SSH2: variants seen among roughly 807,000 people sequenced by gnomAD.
SSH2 encodes slingshot protein phosphatase 2, also known as protein phosphatase Slingshot homolog 2.
Under a neutral mutation model 135.2 loss-of-function variants are expected in SSH2, and 37 were observed. The ratio of observed to expected loss-of-function variants is 0.27; its 90% CI spans 0.21 to 0.36. SSH2 has a LOEUF of 0.36. Ranked by LOEUF, SSH2 falls within the 10% of genes least tolerant of loss-of-function variation. SSH2 has a pLI of 1.00. For synonymous variants in SSH2, 628 were observed against 646.2 expected, an observed-to-expected ratio of 0.97 and a Z score of 0.43; for missense variants, 1,408 against 1,765.3, an observed-to-expected ratio of 0.80 and a Z score of 3.63.
intron 2 of SSH2, among the ~76,000 whole-genome samples, chr17:29,840,705 T>G (rs914636553): frequency 6.6e-6 from 1 of 152,216 alleles, no homozygotes; most frequent in Non-Finnish European, 1.5e-5. Flanking sequence ...TTGACTCTGT[T>G]GAAGAGCTGG....
At chr17:29,877,418 T>C (rs1021397185) in intron 1 of SSH2, among the ~76,000 whole-genome samples, 1 of 152,204 alleles carries the variant, frequency 6.6e-6, no homozygotes, top group Non-Finnish European at 1.5e-5. Context: ...GAGGTATCTG[T>C]ACTCCTATGT....
intron 3 of SSH2, among the ~76,000 whole-genome samples, chr17:29,771,898 A>G (rs978398524): frequency 6.6e-6 from 1 of 152,206 alleles, no homozygotes; most frequent in African/African-American, 2.4e-5. Flanking sequence ...TCAGGTGAAC[A>G]TGCAAAATCA....
intron 2 of SSH2, among the ~76,000 whole-genome samples, chr17:29,815,327 T>C (rs1321258786): frequency 6.6e-6 from 1 of 152,124 alleles, no homozygotes; most frequent in Non-Finnish European, 1.5e-5. Context: ...TTTCACCATG[T>C]TGGCCAGGAT....
chr17:29,909,716 T>C (rs1234644359), intron 1 of SSH2, among the ~76,000 whole-genome samples: 2 of 152,172 alleles, frequency 1.3e-5, no homozygotes, highest in Non-Finnish European at 2.9e-5. Flanking sequence ...ATTTGTTATT[T>C]CCAGTGCTTA....
intron 4 of SSH2, among the ~76,000 whole-genome samples, chr17:29,697,059 GCCAA>G (rs2151109678): frequency 6.6e-6 from 1 of 152,120 alleles, no homozygotes; most frequent in African/African-American, 2.4e-5. Flanking sequence ...CTTTAAAATG[GCCAA>G]CCATTATTTG....
At chr17:29,761,119 C>CGCGGAG (rs1161022171) in intron 3 of SSH2, 5 of 1,287,378 alleles carry the variant, frequency 3.9e-6, no homozygotes, top group Non-Finnish European at 5.1e-6. Context: ...TCTGAGCGTT[C>CGCGGAG]GCGGAGGCGG....
chr17:29,777,049 T>G (rs2041718413), intron 3 of SSH2, among the ~76,000 whole-genome samples: 1 of 151,578 alleles, frequency 6.6e-6, no homozygotes, highest in Non-Finnish European at 1.5e-5. Flanking sequence ...TTGTCTCTAC[T>G]AAAAATACAA....
chr17:29,849,436 G>A (rs1459129902), intron 1 of SSH2, among the ~76,000 whole-genome samples: 5 of 138,306 alleles, frequency 3.6e-5, no homozygotes, highest in Admixed American at 7.9e-5. Context: ...CCGAGATCGC[G>A]CCACTGTACT....
At chr17:29,687,392 C>A (rs1181464813) in intron 5 of SSH2, among the ~76,000 whole-genome samples, 2 of 152,168 alleles carry the variant, frequency 1.3e-5, no homozygotes, top group African/African-American at 4.8e-5. Flanking sequence ...ATGCCAAATG[C>A]ATAAGATAGA....
At chr17:29,658,205 TGTTGGTCAG>T (rs1424241849) in intron 11 of SSH2, among the ~76,000 whole-genome samples, 1 of 151,938 alleles carries the variant, frequency 6.6e-6, no homozygotes, top group African/African-American at 2.4e-5. Flanking sequence ...GGTTTCTCCA[TGTTGGTCAG>T]GCTGGTCTCG....
intron 3 of SSH2, among the ~76,000 whole-genome samples, chr17:29,730,301 G>C (rs991484200): frequency 6.7e-6 from 1 of 148,626 alleles, no homozygotes; most frequent in Non-Finnish European, 1.5e-5. Context: ...GACAAAGTGG[G>C]ACTCTGTCTA....
intron 3 of SSH2, 154 bp downstream of exon 3, chr17:29,793,740 G>C (rs1249560116): frequency 5.1e-6 from 3 of 588,952 alleles, no homozygotes; most frequent in Non-Finnish European, 8.9e-6. Context: ...ACCATGCCCA[G>C]GTGCAATCTG....
intron 2 of SSH2, among the ~76,000 whole-genome samples, chr17:29,822,550 C>T (rs934337582): frequency 5.9e-5 from 9 of 151,794 alleles, no homozygotes; most frequent in African/African-American, 1.2e-4. Context: ...TTTGTAGAGA[C>T]GGAATCTTGC....
At chr17:29,764,197 C>T (rs1267184152) in intron 3 of SSH2, among the ~76,000 whole-genome samples, 5 of 152,100 alleles carry the variant, frequency 3.3e-5, no homozygotes, top group Admixed American at 6.6e-5. Flanking sequence ...GCAATCTGCC[C>T]GCCTTGGCCT....
chr17:29,675,030 G>C (rs2037647830), intron 8 of SSH2, among the ~76,000 whole-genome samples: 1 of 152,184 alleles, frequency 6.6e-6, no homozygotes, highest in Non-Finnish European at 1.5e-5. Context: ...ATTTATCGTT[G>C]TTACTGCTGT....
intron 3 of SSH2, among the ~76,000 whole-genome samples, chr17:29,778,457 T>C (rs2041758603): frequency 6.6e-6 from 1 of 151,932 alleles, no homozygotes; most frequent in African/African-American, 2.4e-5. Flanking sequence ...CTGGCCAACA[T>C]GGTAAAACCC....
intron 3 of SSH2, among the ~76,000 whole-genome samples, chr17:29,721,152 G>A (rs2039810349): frequency 1.3e-5 from 2 of 152,238 alleles, no homozygotes; most frequent in African/African-American, 2.4e-5. Flanking sequence ...GTACTCTAGA[G>A]TGGGATGTGA....
chr17:29,891,566 A>C (rs2066350795), intron 1 of SSH2, among the ~76,000 whole-genome samples: 1 of 152,120 alleles, frequency 6.6e-6, no homozygotes, highest in Non-Finnish European at 1.5e-5. Flanking sequence ...TAAATTCTAA[A>C]ATGTTGAATA....
intron 14 of SSH2, among the ~76,000 whole-genome samples, chr17:29,647,131 G>T (rs560037525): frequency 6.6e-6 from 1 of 151,680 alleles, no homozygotes; most frequent in Non-Finnish European, 1.5e-5. Flanking sequence ...GCATGGTGGC[G>T]GGCACCTGTA....
Sources: gnomAD v4.1 joint callset for allele counts (sites outside exome capture counted in the v4.1 genomes callset) on GRCh38, gnomAD v4.1.1 for gene constraint, MANE v1.5 for transcripts, NCBI Gene and HGNC (gene_info 2026-07-23, HGNC 2026-07-21) for gene names.